The following GRID1 variants were observed in gnomAD, a reference collection of about 807,000 sequenced individuals.
GRID1 encodes glutamate ionotropic receptor delta type subunit 1.
Under a neutral mutation model 98.0 loss-of-function variants are expected in GRID1, and 28 were observed. The observed-to-expected ratio is 0.29, with a 90% confidence interval of 0.21 to 0.39. The LOEUF is 0.39. GRID1 is among the 10% of genes least tolerant of loss of function. The pLI is 1.00. For missense variants in GRID1, 1,111 were observed against 1,340.5 expected (o/e 0.83, Z 2.67); for synonymous variants, 553 against 538.5 (o/e 1.03, Z -0.37).
At chr10:85,827,960 C>T in intron 8 of GRID1, among the ~76,000 whole-genome samples, 1 of 152,068 alleles carries the variant, frequency 6.6e-6, no homozygotes, top group Non-Finnish European at 1.5e-5. Flanking sequence ...CAGAAATCTC[C>T]ATTCAAAAAC....
At position 86,306,985 on chromosome 10, in the gene GRID1, T is replaced by C. The variant is rs7091893; in HGVS notation, c.235+56956A>G. Among the ~76,000 whole-genome samples, 447 of 152,234 alleles carry C rather than the reference T, an allele frequency of 2.9e-3. 2 individuals carry two copies. Among genetic ancestry groups the C allele is most frequent in the African/African-American group, 0.01 (429 of 41,542 alleles). On this transcript the variant is annotated intron_variant, in intron 2 of 15. Transcript: ENST00000327946. ...TGTGTCGCCCTCACCACAGTACAAG[T>C]AATAAACATATCCATTACCTCCAAA...
chr10:86,355,985 G>A (rs1267290148), intron 2 of GRID1, among the ~76,000 whole-genome samples: 1 of 152,244 alleles, frequency 6.6e-6, no homozygotes, highest in East Asian at 1.9e-4. Context: ...CGGGGACAGG[G>A]GGAGGTCATG....
At chr10:85,906,058 A>C (rs1841456219) in intron 5 of GRID1, among the ~76,000 whole-genome samples, 1 of 152,140 alleles carries the variant, frequency 6.6e-6, no homozygotes, top group Non-Finnish European at 1.5e-5. Flanking sequence ...AGACAGTGAA[A>C]AAAGGTATTA....
chr10:85,602,532 T>C lies in GRID1; in HGVS notation c.2771A>G (p.Gln924Arg). 1.9e-6 allele frequency: 3 copies of C among 1,613,850 alleles called. No homozygotes were observed. Among genetic ancestry groups the C allele is most frequent in the Non-Finnish European group, 2.5e-6 (3 of 1,180,012 alleles). The change falls in exon 16 of 16, where the codon CAG (glutamine) becomes CGG (arginine). Residue 924 changes from glutamine to arginine, a missense_variant. By Grantham distance (43) the Gln-to-Arg change is conservative. This residue lies in a region of GRID1 where 762 missense variants were observed against 869.1 expected (regional missense o/e 0.88). Coordinates refer to ENST00000327946, the MANE Select transcript of GRID1 (RefSeq NM_017551.3). ...LEPTREYQNT[Q>R]LSVSTFLPEQ... The stretch of plus-strand genomic sequence containing the variant: ...TGGCAGAAAGGTGCTGACCGAGAGC[T>C]GGGTGTTCTGGTACTCCCGTGTCGG...
chr10:85,606,642 C>T (rs934756077), intron 15 of GRID1: 3 of 152,132 alleles, frequency 2.0e-5, no homozygotes, highest in Non-Finnish European at 2.9e-5. Context: ...GGTTTGGAAA[C>T]CTTGGAAGCA....
chr10:85,949,721 A>G (rs540366695), intron 4 of GRID1, among the ~76,000 whole-genome samples: 1 of 152,310 alleles, frequency 6.6e-6, no homozygotes, highest in East Asian at 1.9e-4. Flanking sequence ...ATAATCACTG[A>G]GAGATAATGT....
intron 4 of GRID1, among the ~76,000 whole-genome samples, chr10:86,057,514 G>A (rs536256210): frequency 9.2e-5 from 14 of 152,322 alleles, no homozygotes; most frequent in South Asian, 4.1e-4. Flanking sequence ...ACACCCTGCA[G>A]TCTCAACCTT....
chr10:86,352,028 C>T (rs533336024), intron 2 of GRID1, among the ~76,000 whole-genome samples: 74 of 152,298 alleles, frequency 4.9e-4, no homozygotes, highest in African/African-American at 1.8e-3. Flanking sequence ...AGGGGCCAGG[C>T]GTGATGGCTC....
At chr10:86,092,864 A>G (rs1844168529) in intron 4 of GRID1, among the ~76,000 whole-genome samples, 1 of 152,270 alleles carries the variant, frequency 6.6e-6, no homozygotes, top group Non-Finnish European at 1.5e-5. Flanking sequence ...ATGGATTTAA[A>G]CTATACCTTG....
chr10:85,756,426 T>C (rs1158043600), intron 8 of GRID1, among the ~76,000 whole-genome samples: 1 of 152,194 alleles, frequency 6.6e-6, no homozygotes, highest in Non-Finnish European at 1.5e-5. Context: ...ACTAATCTTG[T>C]ACTTTGGGAC....
intron 4 of GRID1, among the ~76,000 whole-genome samples, chr10:86,030,357 A>T (rs1302769538): frequency 1.3e-5 from 2 of 152,246 alleles, no homozygotes; most frequent in Non-Finnish European, 2.9e-5. Context: ...AGATTCCCCA[A>T]AGGTTAACAA....
rs74698355 is a variant in GRID1 at position 85,718,738 on chromosome 10, G to A, written c.1997+4265C>T. ...CCATGACACCACATTTTGCTCCTGG[G>A]CCTCTGGGCCTGTGATGGGAGGGGC... On this transcript the variant is annotated intron_variant, in intron 12 of 15. Coordinates refer to ENST00000327946, the MANE Select transcript of GRID1 (RefSeq NM_017551.3). Among the ~76,000 whole-genome samples the A allele has an allele frequency of 2.0e-3, 312 of 152,310 alleles. 2 individuals carry two copies. The East Asian group carries it at 0.043, about 21-fold the overall frequency.
At chr10:85,737,137 A>G (rs1361312476) in intron 8 of GRID1, among the ~76,000 whole-genome samples, 2 of 152,108 alleles carry the variant, frequency 1.3e-5, no homozygotes, top group Admixed American at 6.6e-5. Flanking sequence ...GAGAGAATTG[A>G]GAGTATCCAT....
intron 5 of GRID1, among the ~76,000 whole-genome samples, chr10:85,880,457 G>A (rs1840989691): frequency 6.6e-6 from 1 of 152,186 alleles, no homozygotes; most frequent in Non-Finnish European, 1.5e-5. Context: ...GGGATGCAAG[G>A]CTGGTTCAAC....
At chr10:85,680,624 T>TA (rs1841198069) in intron 12 of GRID1, among the ~76,000 whole-genome samples, 1 of 152,174 alleles carries the variant, frequency 6.6e-6, no homozygotes, top group Non-Finnish European at 1.5e-5. Context: ...CACTACTGGG[T>TA]ATCTACCAAA....
chr10:85,981,892 AAGG>A (rs1449586234), intron 4 of GRID1, among the ~76,000 whole-genome samples: 7 of 152,202 alleles, frequency 4.6e-5, no homozygotes, highest in Non-Finnish European at 1.0e-4. Context: ...GACCAGGGAG[AAGG>A]AGGAGTGTGC....
chr10:86,350,188 G>A (rs946900599), intron 2 of GRID1, among the ~76,000 whole-genome samples: 10 of 152,238 alleles, frequency 6.6e-5, no homozygotes, highest in Non-Finnish European at 2.9e-5. Flanking sequence ...AGAAGTGGCG[G>A]CTAAGACACA....
intron 2 of GRID1, among the ~76,000 whole-genome samples, chr10:86,289,310 T>C (rs1426415160): frequency 1.3e-5 from 2 of 152,176 alleles, no homozygotes; most frequent in African/African-American, 4.8e-5. Context: ...AGACCACTGC[T>C]GGCAAGGTCA....
At chr10:85,766,730 TTGTGTGTGTG>T (rs35691322) in intron 8 of GRID1, among the ~76,000 whole-genome samples, 58 of 138,436 alleles carry the variant, frequency 4.2e-4, no homozygotes, top group African/African-American at 9.3e-4. Context: ...AGGCAGATGA[TTGTGTGTGTG>T]TGTGTGTGTG....
Sources: allele counts gnomAD v4.1 joint callset (sites outside exome capture counted in the v4.1 genomes callset), GRCh38; gene constraint gnomAD v4.1.1; regional missense constraint gnomAD v4.1.1; transcripts MANE v1.5; gene names NCBI Gene and HGNC (gene_info 2026-07-23, HGNC 2026-07-21).